USH2A: variants seen among roughly 807,000 people sequenced by gnomAD.
USH2A encodes usherin, also known as Usher syndrome 2A (autosomal recessive, mild).
A neutral mutation model predicts 538.9 loss-of-function variants in USH2A; 443 were observed. The ratio of observed to expected loss-of-function variants is 0.82; its 90% CI spans 0.76 to 0.89. The LOEUF is 0.89. Ranked by LOEUF, USH2A falls within the 40% of genes least tolerant of loss-of-function variation. The probability of loss-of-function intolerance (pLI) is 0.00; values close to 1 mark genes in which losing one functional copy is unlikely to be tolerated. For synonymous variants in USH2A, 2,413 were observed against 2,273.5 expected (o/e 1.06, Z -1.75); for missense variants, 6,633 against 6,324.8 (o/e 1.05, Z -1.65).
chr1:216,291,770 T>A (rs1253040901), intron 10 of USH2A, among the ~76,000 whole-genome samples: 1 of 152,176 alleles, frequency 6.6e-6, no homozygotes, highest in Non-Finnish European at 1.5e-5. Flanking sequence ...CAAATCTGAA[T>A]GAATGCCATC....
At chr1:215,781,734 A>G (rs922744814) in intron 54 of USH2A, among the ~76,000 whole-genome samples, 1 of 152,210 alleles carries the variant, frequency 6.6e-6, no homozygotes, top group Non-Finnish European at 1.5e-5. Context: ...GGACATTTTT[A>G]TAGATTTATA....
intron 20 of USH2A, among the ~76,000 whole-genome samples, chr1:216,182,102 A>G (rs904975686): frequency 3.9e-5 from 6 of 152,034 alleles, no homozygotes; most frequent in Admixed American, 3.9e-4. Context: ...TAAATTTTTT[A>G]TATATGTCCA....
intron 49 of USH2A, among the ~76,000 whole-genome samples, chr1:215,804,521 A>T (rs1662436308): frequency 6.7e-6 from 1 of 149,172 alleles, no homozygotes; most frequent in South Asian, 2.1e-4. Flanking sequence ...CAGACAAAAG[A>T]TACATGAAAA....
chr1:215,879,753 GAAC>G (rs1459784754), intron 41 of USH2A, among the ~76,000 whole-genome samples: 1 of 152,164 alleles, frequency 6.6e-6, no homozygotes, highest in Non-Finnish European at 1.5e-5. Context: ...TCAGAAGAAA[GAAC>G]AACATTTTGT....
intron 11 of USH2A, among the ~76,000 whole-genome samples, chr1:216,254,124 C>G (rs1454184252): frequency 6.6e-6 from 1 of 152,082 alleles, no homozygotes; most frequent in Non-Finnish European, 1.5e-5. Flanking sequence ...AATAAAATAA[C>G]AAGTTTACTC....
intron 11 of USH2A, among the ~76,000 whole-genome samples, chr1:216,273,562 C>T (rs970414037): frequency 1.3e-5 from 2 of 151,990 alleles, no homozygotes; most frequent in Admixed American, 6.6e-5. Context: ...TTGAACACTT[C>T]GTGAGTGTTT....
chr1:216,244,723 A>T (rs771003276), intron 13 of USH2A, among the ~76,000 whole-genome samples: 38 of 152,232 alleles, frequency 2.5e-4, no homozygotes, highest in Non-Finnish European at 4.7e-4. Context: ...TTCATCATTT[A>T]GATATCTGGT....
At chr1:216,134,406 G>A (rs976230348) in intron 21 of USH2A, among the ~76,000 whole-genome samples, 2 of 152,054 alleles carry the variant, frequency 1.3e-5, no homozygotes, top group African/African-American at 4.8e-5. Context: ...AATTAATATG[G>A]AGAGAAGAGC....
intron 60 of USH2A, 31 bp downstream of exon 60, chr1:215,741,344 A>G (rs773174395): frequency 1.2e-6 from 2 of 1,612,334 alleles, no homozygotes; most frequent in Non-Finnish European, 1.7e-6. Flanking sequence ...ATTCTTAAAT[A>G]ACTAAAAATA....
intron 11 of USH2A, among the ~76,000 whole-genome samples, chr1:216,272,842 C>G (rs911395406): frequency 6.6e-6 from 1 of 152,024 alleles, no homozygotes; most frequent in African/African-American, 2.4e-5. Context: ...AAACAACAAA[C>G]GAGCTTGAGC....
At chr1:216,153,003 G>A (rs1386512257) in intron 21 of USH2A, among the ~76,000 whole-genome samples, 2 of 152,134 alleles carry the variant, frequency 1.3e-5, no homozygotes, top group Non-Finnish European at 2.9e-5. Flanking sequence ...AGAGGATTTC[G>A]GCTGGGGTTA....
At chr1:215,848,459 T>G (rs1188489498) in intron 44 of USH2A, among the ~76,000 whole-genome samples, 1 of 152,218 alleles carries the variant, frequency 6.6e-6, no homozygotes, top group African/African-American at 2.4e-5. Flanking sequence ...ACATTAAATA[T>G]ATTTCCACTA....
At chr1:215,989,500 T>G (rs567993962) in intron 35 of USH2A, among the ~76,000 whole-genome samples, 31 of 152,286 alleles carry the variant, frequency 2.0e-4, no homozygotes, top group African/African-American at 7.0e-4. Context: ...AAATGCACTG[T>G]ATAGATAAGA....
intron 21 of USH2A, among the ~76,000 whole-genome samples, chr1:216,155,423 A>G (rs1328212461): frequency 6.6e-6 from 1 of 152,096 alleles, no homozygotes; most frequent in Non-Finnish European, 1.5e-5. Context: ...AAAACCCAAG[A>G]TTGCTTTTTT....
chr1:215,650,762 A>T lies in USH2A; in HGVS notation c.14173T>A (p.Trp4725Arg). The T allele has an allele frequency of 6.2e-7, 1 of 1,613,624 alleles. No individual in the cohort carries two copies. Among genetic ancestry groups the T allele is most frequent in the South Asian group, 1.1e-5 (1 of 91,044 alleles). The change falls in exon 65 of 72, where the codon TGG becomes AGG. Residue 4725 changes from tryptophan (W) to arginine (R), a missense_variant. By Grantham distance (101) the Trp-to-Arg change is moderately radical. Coordinates refer to ENST00000307340, the MANE Select transcript of USH2A (RefSeq NM_206933.4). Reference sequence around the variant, plus strand: ...GCTGGCCCGGTTCTGCACCATGTCCAGCTACTGGGGGCTTTTCCTGCAGAA... The same window carrying T: ...GCTGGCCCGGTTCTGCACCATGTCCTGCTACTGGGGGCTTTTCCTGCAGAA... ...VNSAGKAPSS[W>R]TWCRTGPAPP... is the part of the protein sequence containing the mutation.
chr1:215,878,846 G>A lies in USH2A; in HGVS notation c.8476C>T (p.Pro2826Ser). The A allele has an allele frequency of 6.2e-7, 1 of 1,613,936 alleles. No individual in the cohort carries two copies. The highest frequency in any genetic ancestry group is 8.5e-7 in the Non-Finnish European group (1 of 1,179,934). ...THPTVPQNVG[P>S]LSVIPLSESY... ...TCACTTAGTGGAATCACAGACAATG[G>A]GCCAACATTCTGAGGTACGGTGGGG... The change falls in exon 42 of 72, where the codon CCA becomes TCA. Residue 2826 changes from proline to serine, a missense_variant. Pro to Ser is a moderately conservative substitution (Grantham distance 74). Transcript: ENST00000307340.
rs555091297 is a variant in USH2A, at chr1:215,905,244, C to T, written c.7301-4339G>A. On this transcript the variant is annotated intron_variant, in intron 38 of 71. Coordinates refer to ENST00000307340, the MANE Select transcript of USH2A (RefSeq NM_206933.4). ...GAGAAAATGAATTCACTGTGCTTTC[C>T]ATATGCACTGAATTCTTTCTCAGGA... 8.5e-5 allele frequency among the ~76,000 whole-genome samples: 13 copies of T among 152,148 alleles called. 2 individuals are homozygous for T. In the South Asian group the frequency reaches 2.7e-3, roughly 32 times the overall value.
chr1:216,247,139 T>C lies in USH2A; in HGVS notation c.2255A>G (p.His752Arg), dbSNP rs762022161. 2 of 1,614,048 alleles carry C rather than the reference T, an allele frequency of 1.2e-6. No homozygotes were observed. Among genetic ancestry groups the C allele is most frequent in the Non-Finnish European group, 1.7e-6 (2 of 1,179,930 alleles). ...VGCEPCQCNL[H>R]GSVNKFCNPH... ...ATTGCAGAATTTGTTCACTGAGCCA[T>C]GGAGGTTACACTGGCAGGGCTCACA... is the stretch of plus-strand genomic sequence containing the variant. The change falls in exon 13 of 72, where the codon CAT (histidine) becomes CGT (arginine). Residue 752 changes from histidine (H) to arginine (R), a missense_variant. Physicochemically the swap from His to Arg is conservative, Grantham distance 29. Coordinates refer to ENST00000307340, the MANE Select transcript of USH2A (RefSeq NM_206933.4).
chr1:216,040,353 A>G (rs143348134), intron 32 of USH2A, among the ~76,000 whole-genome samples: 15 of 152,102 alleles, frequency 9.9e-5, no homozygotes, highest in Admixed American at 5.3e-4. Context: ...GTCATTATCC[A>G]CAGCAATGGC....
Sources: gnomAD v4.1 joint callset for allele counts (sites outside exome capture counted in the v4.1 genomes callset) on GRCh38, gnomAD v4.1.1 for gene constraint, MANE v1.5 for transcripts, NCBI Gene and HGNC (gene_info 2026-07-23, HGNC 2026-07-21) for gene names.